Variants in MEGF11 observed in about 807,000 individuals in gnomAD.
MEGF11 encodes the protein multiple epidermal growth factor-like domains protein 11.
Under a neutral mutation model 146.6 loss-of-function variants are expected in MEGF11, and 126 were observed. That is an observed-to-expected ratio of 0.86 (90% confidence interval 0.74 to 1.00). MEGF11 has a LOEUF of 1.00. Ranked by LOEUF, MEGF11 falls within the 50% of genes least tolerant of loss-of-function variation. The pLI, the probability that MEGF11 is intolerant of heterozygous loss-of-function variation, is 0.00. For synonymous variants in MEGF11, 532 were observed against 583.4 expected (o/e 0.91, Z 1.27); for missense variants, 1,509 against 1,521.2 (o/e 0.99, Z 0.13).
chr15:66,246,929 C>A (rs754100094), intron 1 of MEGF11, among the ~76,000 whole-genome samples: 3 of 152,106 alleles, frequency 2.0e-5, no homozygotes, highest in Admixed American at 6.5e-5. Context: ...GGAGTCACTG[C>A]GGCCTCCCTC....
chr15:66,172,904 A>T lies in MEGF11; in HGVS notation c.-8-44493T>A, dbSNP rs150916094. Among the ~76,000 whole-genome samples the T allele has an allele frequency of 2.9e-3, 440 of 152,212 alleles. 2 individuals carry two copies. Among genetic ancestry groups the T allele is most frequent in the African/African-American group, 9.9e-3 (412 of 41,524 alleles). The stretch of plus-strand genomic sequence containing the variant: ...CAGTCTTTTGACTCTGTCTAATGAG[A>T]CTTCACCAGCCTGACTTTTCCGCGT... On this transcript the variant is annotated intron_variant, in intron 1 of 25. Transcript: ENST00000395614.
rs1294340237 is a variant in MEGF11 at position 66,133,271 on chromosome 15, G to A, written c.-8-4860C>T. Reference sequence around the variant, plus strand: ...ATGTCTGCTCCCCACACCAGCACAAGGCAGGCATTGAAGCACAGGCAGTAG... The same window carrying A: ...ATGTCTGCTCCCCACACCAGCACAAAGCAGGCATTGAAGCACAGGCAGTAG... On this transcript the variant is annotated intron_variant, in intron 1 of 25. Coordinates refer to ENST00000395614, the MANE Select transcript of MEGF11 (RefSeq NM_001385028.1). Among the ~76,000 whole-genome samples, 4 of 152,204 alleles carry A rather than the reference G, an allele frequency of 2.6e-5. No homozygotes were observed. The South Asian group carries it at 6.2e-4, about 24-fold the overall frequency.
intron 5 of MEGF11, among the ~76,000 whole-genome samples, chr15:66,088,839 G>C (rs4383081): frequency 0.2 from 30,630 of 152,104 alleles, 3,287 homozygotes; most frequent in East Asian, 0.43. Context: ...GCCAGGGAAG[G>C]GGGCAACGGG....
chr15:66,069,508 G>A (rs2085278797), intron 5 of MEGF11, among the ~76,000 whole-genome samples: 1 of 152,166 alleles, frequency 6.6e-6, no homozygotes, highest in African/African-American at 2.4e-5. Context: ...TTTTATAAAA[G>A]GAGAGATTGA....
At chr15:66,070,575 G>C (rs977998413) in intron 5 of MEGF11, among the ~76,000 whole-genome samples, 17 of 152,338 alleles carry the variant, frequency 1.1e-4, no homozygotes, top group Non-Finnish European at 5.9e-5. Flanking sequence ...GTGGTGGTGG[G>C]GGGTATCTTT....
At chr15:65,987,789 C>T (rs1244677430) in intron 5 of MEGF11, among the ~76,000 whole-genome samples, 1 of 151,996 alleles carries the variant, frequency 6.6e-6, no homozygotes, top group African/African-American at 2.4e-5. Context: ...TGGCTCACTG[C>T]AACCTCCACC....
At chr15:66,082,425 TAAAAAAAAAAAAAAAAAAAAA>T (rs796328490) in intron 5 of MEGF11, among the ~76,000 whole-genome samples, 16 of 15,658 alleles carry the variant, frequency 1.0e-3, no homozygotes, top group African/African-American at 2.9e-3. Context: ...CCATCTCTAC[TAAAAAAAAAAAAAAAAAAAAA>T]AAAAAAAAAA....
At chr15:65,940,818 C>CAT (rs949961637) in intron 10 of MEGF11, among the ~76,000 whole-genome samples, 1 of 152,158 alleles carries the variant, frequency 6.6e-6, no homozygotes, top group Non-Finnish European at 1.5e-5. Flanking sequence ...CTGGAAGCCC[C>CAT]ATGTAGTATT....
chr15:66,136,790 G>T (rs1431330961), intron 1 of MEGF11, among the ~76,000 whole-genome samples: 1 of 152,186 alleles, frequency 6.6e-6, no homozygotes, highest in Non-Finnish European at 1.5e-5. Context: ...CACTTTGGGA[G>T]GCCAAGGCAG....
chr15:66,094,370 G>A (rs2086446799), intron 5 of MEGF11, 32 bp downstream of exon 5: 1 of 1,532,360 alleles, frequency 6.5e-7, no homozygotes, highest in Non-Finnish European at 8.8e-7. Flanking sequence ...TCAGAGCCAG[G>A]GTGCCTCCTG....
intron 1 of MEGF11, among the ~76,000 whole-genome samples, chr15:66,223,500 A>C (rs1048563838): frequency 3.9e-5 from 6 of 152,234 alleles, no homozygotes; most frequent in Non-Finnish European, 7.3e-5. Flanking sequence ...AGATGGGTGG[A>C]TCACTTGAGG....
At chr15:66,112,254 A>G (rs1187124215) in intron 4 of MEGF11, among the ~76,000 whole-genome samples, 1 of 152,214 alleles carries the variant, frequency 6.6e-6, no homozygotes, top group Non-Finnish European at 1.5e-5. Context: ...AATTAAAGCA[A>G]TAAAAGAAGG....
intron 10 of MEGF11, among the ~76,000 whole-genome samples, chr15:65,942,028 C>T (rs541331677): frequency 1.3e-5 from 2 of 152,290 alleles, no homozygotes; most frequent in African/African-American, 2.4e-5. Flanking sequence ...TATAACAGCC[C>T]TGCAGGGAGA....
At position 66,116,145 on chromosome 15, in the gene MEGF11, G is replaced by A. The variant is rs529717999; in HGVS notation, c.301+2941C>T. ...CCCTCTCCCACCCACCCCTGACGGC[G>A]TCATTGCAACCCTCAAGGTGGAGCT... On this transcript the variant is annotated intron_variant, in intron 4 of 25. Transcript: ENST00000395614. Among the ~76,000 whole-genome samples the A allele has an allele frequency of 1.2e-4, 19 of 152,184 alleles. 1 individual carries two copies. In the South Asian group the frequency reaches 3.1e-3, roughly 25 times the overall value.
At chr15:65,946,544 C>T (rs2080201092) in intron 10 of MEGF11, among the ~76,000 whole-genome samples, 1 of 152,186 alleles carries the variant, frequency 6.6e-6, no homozygotes, top group Non-Finnish European at 1.5e-5. Flanking sequence ...TGGCACCCAC[C>T]ACCATGCCCG....
At chr15:66,057,177 T>C (rs1177842410) in intron 5 of MEGF11, among the ~76,000 whole-genome samples, 4 of 152,158 alleles carry the variant, frequency 2.6e-5, no homozygotes, top group Non-Finnish European at 4.4e-5. Context: ...CCCAACTCCC[T>C]GCTCCTGAGA....
intron 1 of MEGF11, among the ~76,000 whole-genome samples, chr15:66,211,955 A>G (rs537517045): frequency 0.044 from 21 of 478 alleles, no homozygotes; most frequent in Non-Finnish European, 0.061. Flanking sequence ...AAACAAAATC[A>G]AAACTCTCAA....
intron 21 of MEGF11, among the ~76,000 whole-genome samples, chr15:65,911,262 C>A (rs966621466): frequency 6.6e-6 from 1 of 152,182 alleles, no homozygotes; most frequent in Non-Finnish European, 1.5e-5. Flanking sequence ...CTGCAACAAA[C>A]GGTTATGAGT....
intron 5 of MEGF11, among the ~76,000 whole-genome samples, chr15:66,065,843 A>G (rs1409701819): frequency 1.3e-5 from 2 of 151,736 alleles, no homozygotes; most frequent in African/African-American, 4.8e-5. Flanking sequence ...GAAGTGGGGG[A>G]GCAGTGGGGT....
Sources: allele counts gnomAD v4.1 joint callset (sites outside exome capture counted in the v4.1 genomes callset), GRCh38; gene constraint gnomAD v4.1.1; transcripts MANE v1.5; gene names NCBI Gene and HGNC (gene_info 2026-07-23, HGNC 2026-07-21).